Variants in KDM3B observed in about 807,000 individuals in gnomAD.
KDM3B encodes lysine-specific demethylase 3B.
Under a neutral mutation model 170.0 loss-of-function variants are expected in KDM3B, and 10 were observed. The ratio of observed to expected loss-of-function variants is 0.06; its 90% confidence interval spans 0.04 to 0.10. The LOEUF is 0.10. Among genes scored for constraint, KDM3B ranks in the 10% least tolerant of loss-of-function variants. KDM3B has a pLI of 1.00. For synonymous variants in KDM3B, 831 were observed against 834.8 expected, an observed-to-expected ratio of 1.00 and a Z score of 0.08; for missense variants, 1,394 against 2,195.2, an observed-to-expected ratio of 0.64 and a Z score of 7.29.
chr5:138,363,979 C>T (rs761505765), intron 1 of KDM3B, among the ~76,000 whole-genome samples: 22 of 148,288 alleles, frequency 1.5e-4, no homozygotes, highest in Non-Finnish European at 2.5e-4. Context: ...TGCAGTGGCA[C>T]GATCTGTGCT....
At chr5:138,374,994 A>G (rs932684111) in intron 2 of KDM3B, 99 bp from the exon 3 acceptor site, 44 of 728,650 alleles carry the variant, frequency 6.0e-5, no homozygotes, top group Non-Finnish European at 1.1e-4. Context: ...TACTGGGATG[A>G]AAGATATAAT....
chr5:138,434,339 G>A (rs1004345158), intron 23 of KDM3B, among the ~76,000 whole-genome samples: 12 of 152,050 alleles, frequency 7.9e-5, no homozygotes, highest in African/African-American at 2.7e-4. Context: ...CACAAGGTCA[G>A]GAGTTCGAGA....
At position 138,386,157 on chromosome 5, in the gene KDM3B, A is replaced by G; in HGVS notation, c.916A>G (p.Arg306Gly). ...TGCATCAAAGAAATTAAAAGGAGAC[A>G]GGGGTGAAGTAGACAGTAATGGGAG... is the stretch of plus-strand genomic sequence containing the variant. ...DPASKKLKGD[R>G]GEVDSNGSDG... is the part of the protein sequence containing the mutation. The change falls in exon 7 of 24, where the codon AGG becomes GGG. Residue 306 changes from arginine (R) to glycine (G), a missense_variant. Arg to Gly is a moderately radical substitution (Grantham distance 125). This residue lies in a region of KDM3B where 205 missense variants were observed against 227.6 expected (regional missense o/e 0.90). Coordinates refer to ENST00000314358, the MANE Select transcript of KDM3B (RefSeq NM_016604.4). 1 of 1,614,208 alleles carries G rather than the reference A, an allele frequency of 6.2e-7. No homozygotes were observed. The highest frequency in any genetic ancestry group is 8.5e-7 in the Non-Finnish European group (1 of 1,180,030).
At chr5:138,429,725 G>A (rs1419250357) in intron 20 of KDM3B, 101 bp from the exon 21 acceptor site, 2 of 1,282,410 alleles carry the variant, frequency 1.6e-6, no homozygotes, top group African/African-American at 1.5e-5. Context: ...TTCCAGAGAT[G>A]GAGAAGAGTA....
At position 138,381,445 on chromosome 5, in the gene KDM3B, T is replaced by C. The variant is rs1161180628; in HGVS notation, c.706-71T>C. On this transcript the variant is annotated intron_variant, in intron 5 of 23. Transcript: ENST00000314358. ...TTGAATCAATAAAGAGATAATTACA[T>C]TGATTAGGAAATTATATAATTATGT... is the stretch of plus-strand genomic sequence containing the variant. The C allele has an allele frequency of 4.1e-6, 4 of 978,666 alleles. No homozygotes were observed. The Admixed American group carries it at 5.5e-5, about 13-fold the overall frequency. 60.6% of individuals were successfully genotyped at this position (978,666 alleles called of 1,614,324 possible).
At chr5:138,354,113 T>C (rs987899416) in intron 1 of KDM3B, among the ~76,000 whole-genome samples, 1 of 152,230 alleles carries the variant, frequency 6.6e-6, no homozygotes, top group African/African-American at 2.4e-5. Flanking sequence ...TTCATTTTTC[T>C]TCCTATTGAT....
intron 15 of KDM3B, 104 bp downstream of exon 15, chr5:138,421,066 C>T (rs1580949170): frequency 7.6e-7 from 1 of 1,307,552 alleles, no homozygotes. Context: ...GTGTTCTCTA[C>T]ATTGTCAAGC....
At chr5:138,368,550 G>T (rs1166452073) in intron 1 of KDM3B, among the ~76,000 whole-genome samples, 1 of 152,114 alleles carries the variant, frequency 6.6e-6, no homozygotes, top group Non-Finnish European at 1.5e-5. Flanking sequence ...CACTTGAAAT[G>T]ATTCTTTACT....
chr5:138,418,236 C>A (rs1250885896), intron 13 of KDM3B, among the ~76,000 whole-genome samples: 2 of 152,036 alleles, frequency 1.3e-5, no homozygotes, highest in African/African-American at 4.8e-5. Flanking sequence ...TGCGCCACCA[C>A]ACCTGGGTAA....
rs55976818 is a variant in KDM3B at position 138,360,522 on chromosome 5, T to TTGTGTGTGTGTGTGTG, written c.192+7550_192+7565dup. 1.8e-3 allele frequency among the ~76,000 whole-genome samples: 246 copies of TTGTGTGTGTGTGTGTG among 137,952 alleles called. 1 individual carries two copies. Among genetic ancestry groups the TTGTGTGTGTGTGTGTG allele is most frequent in the African/African-American group, 5.2e-3 (194 of 37,082 alleles). The allele number at this position is 137,952 out of a possible 152,430, so 90.5% of individuals were successfully genotyped here. A position where few individuals can be genotyped will look rare whatever the true frequency, so the allele number is the denominator to read the frequency against. On this transcript the variant is annotated intron_variant, in intron 1 of 23. Coordinates refer to ENST00000314358, the MANE Select transcript of KDM3B (RefSeq NM_016604.4). ...GTATAGTTGATTTTTTAAAAAAAGATTGTGTGTGTGTGTGTGTGTGTGTGT... is the reference window on the plus strand; with the variant it reads ...GTATAGTTGATTTTTTAAAAAAAGATTGTGTGTGTGTGTGTGTGTGTGTGTGTGTGTGTGTGTGTGT...
chr5:138,352,866 C>T lies in KDM3B; in HGVS notation c.71C>T (p.Ala24Val). Reference sequence around the variant, plus strand: ...CTGTTCGCGGACACTGCGGCCTCAGCCTCGGCCTCGGCTCCCGCGGCGGCA... The same window carrying T: ...CTGTTCGCGGACACTGCGGCCTCAGTCTCGGCCTCGGCTCCCGCGGCGGCA... ...LLLFADTAAS[A>V]SASAPAAAAA... Residue 24 changes from alanine to valine, a missense_variant, in exon 1 of 24, where the codon GCC (alanine) becomes GTC (valine). Transcript: ENST00000314358. 1 of 1,377,230 alleles carries T rather than the reference C, an allele frequency of 7.3e-7. No homozygotes were observed. Among genetic ancestry groups the T allele is most frequent in the East Asian group, 3.3e-5 (1 of 30,768 alleles). 85.3% of individuals were successfully genotyped at this position (1,377,230 alleles called of 1,614,324 possible). A position where few individuals can be genotyped will look rare whatever the true frequency, so the allele number is the denominator to read the frequency against.
intron 13 of KDM3B, among the ~76,000 whole-genome samples, chr5:138,418,466 G>A (rs1763165114): frequency 6.6e-6 from 1 of 152,156 alleles, no homozygotes; most frequent in Admixed American, 6.6e-5. Context: ...TTGATGATAA[G>A]AGGCACAGGG....
intron 12 of KDM3B, among the ~76,000 whole-genome samples, chr5:138,416,620 A>G (rs1416880193): frequency 1.3e-5 from 2 of 151,622 alleles, no homozygotes; most frequent in Non-Finnish European, 2.9e-5. Context: ...ACATAACAAA[A>G]AACCAAAGAA....
At chr5:138,376,884 C>T (rs1037732263) in intron 3 of KDM3B, among the ~76,000 whole-genome samples, 4 of 152,108 alleles carry the variant, frequency 2.6e-5, no homozygotes, top group East Asian at 1.9e-4. Context: ...AACAAACCAG[C>T]GTCTGAGTTA....
At chr5:138,372,976 C>A in intron 2 of KDM3B, 135 bp downstream of exon 2, 1 of 702,156 alleles carries the variant, frequency 1.4e-6, no homozygotes, top group Non-Finnish European at 2.1e-6. Flanking sequence ...GTTACTAATG[C>A]AAAAATTAGG....
intron 1 of KDM3B, among the ~76,000 whole-genome samples, chr5:138,363,893 C>T (rs1319553536): frequency 6.7e-6 from 1 of 150,138 alleles, no homozygotes; most frequent in Non-Finnish European, 1.5e-5. Flanking sequence ...TTTAATGTGG[C>T]AGTTATTCTA....
chr5:138,415,294 C>T, intron 12 of KDM3B, 55 bp downstream of exon 12: 3 of 1,097,664 alleles, frequency 2.7e-6, no homozygotes, highest in Non-Finnish European at 2.7e-6. Flanking sequence ...GTTGAGATAG[C>T]CATACACCAT....
At chr5:138,393,715 C>T (rs1224330364) in intron 9 of KDM3B, among the ~76,000 whole-genome samples, 4 of 152,146 alleles carry the variant, frequency 2.6e-5, no homozygotes, top group African/African-American at 9.7e-5. Flanking sequence ...ACTGCTTATT[C>T]CTCCTCAGTG....
chr5:138,353,268 C>T (rs1435529405), intron 1 of KDM3B, among the ~76,000 whole-genome samples: 2 of 152,352 alleles, frequency 1.3e-5, no homozygotes, highest in East Asian at 3.9e-4. Flanking sequence ...CTTTTCTCGG[C>T]GTTCCCCCCA....
Sources: allele counts gnomAD v4.1 joint callset (sites outside exome capture counted in the v4.1 genomes callset), GRCh38; gene constraint gnomAD v4.1.1; regional missense constraint gnomAD v4.1.1; transcripts MANE v1.5; gene names NCBI Gene and HGNC (gene_info 2026-07-23, HGNC 2026-07-21).